CDC123: variants seen among roughly 807,000 people sequenced by gnomAD.
CDC123 encodes the protein cell division cycle 123.
In CDC123, 37 loss-of-function variants were observed where a neutral mutation model predicts 54.4. That is an observed-to-expected ratio of 0.68 (90% CI 0.52 to 0.89). The LOEUF (loss-of-function observed/expected upper bound fraction) is 0.89, where lower values mean the gene tolerates loss of function less well. CDC123 is among the 40% of genes least tolerant of loss of function. The pLI is 0.00. For missense variants in CDC123, 361 were observed against 412.1 expected, an observed-to-expected ratio of 0.88 and a Z score of 1.07; for synonymous variants, 144 against 136.8, an observed-to-expected ratio of 1.05 and a Z score of -0.37.
At chr10:12,239,192 G>T (rs1209628688) in intron 10 of CDC123, among the ~76,000 whole-genome samples, 1 of 151,654 alleles carries the variant, frequency 6.6e-6, no homozygotes, top group Non-Finnish European at 1.5e-5. Context: ...ATCAACTAAG[G>T]TGATTGAAAT....
intron 4 of CDC123, 51 bp from the exon 5 acceptor site, chr10:12,215,689 T>A (rs765445528): frequency 9.3e-7 from 1 of 1,078,046 alleles, no homozygotes; most frequent in Non-Finnish European, 1.4e-6. Context: ...TTGTTTTATA[T>A]ATATACTGTG....
At chr10:12,224,276 TTTTTC>T (rs2131746799) in intron 6 of CDC123, among the ~76,000 whole-genome samples, 1 of 152,058 alleles carries the variant, frequency 6.6e-6, no homozygotes, top group South Asian at 2.1e-4. Context: ...GATAGAATAT[TTTTTC>T]TTTTCCTTTC....
At chr10:12,216,373 A>T (rs1835664484) in intron 5 of CDC123, among the ~76,000 whole-genome samples, 1 of 152,194 alleles carries the variant, frequency 6.6e-6, no homozygotes, top group African/African-American at 2.4e-5. Flanking sequence ...GGAATCAGAG[A>T]CCTATTTGTA....
Position 12,237,509 on chromosome 10 carries a change from G to A in CDC123, c.688+243G>A, listed in dbSNP as rs149844937. ...GAGTGCAGTGGTGCGATCGCGGCTC[G>A]TGCAGCTTCCACCTCCCGGGTTCAG... is the stretch of plus-strand genomic sequence containing the variant. On this transcript the variant is annotated intron_variant, in intron 9 of 12. Transcript: ENST00000281141. The A allele has an allele frequency of 5.0e-4, 102 of 203,402 alleles. No homozygotes were observed. In the East Asian group the frequency reaches 8.4e-3, roughly 17 times the overall value. 12.6% of individuals were successfully genotyped at this position (203,402 alleles called of 1,614,324 possible).
intron 4 of CDC123, among the ~76,000 whole-genome samples, chr10:12,213,768 A>G (rs1835632229): frequency 6.6e-6 from 1 of 152,228 alleles, no homozygotes. Flanking sequence ...AACTGGTTCA[A>G]AAGAGAATCC....
intron 6 of CDC123, among the ~76,000 whole-genome samples, chr10:12,224,447 T>C (rs879855287): frequency 2.0e-5 from 3 of 152,192 alleles, no homozygotes; most frequent in Non-Finnish European, 2.9e-5. Context: ...GCTTTTTTTT[T>C]CTTTGGAATA....
At chr10:12,244,679 T>G (rs1312260208) in intron 10 of CDC123, 1 of 148,646 alleles carries the variant, frequency 6.7e-6, no homozygotes, top group East Asian at 2.0e-4. Flanking sequence ...CCCCTTCATA[T>G]GCTGTCAAGC....
At chr10:12,210,401 C>CCTG in intron 4 of CDC123, 79 bp downstream of exon 4, 1 of 1,500,018 alleles carries the variant, frequency 6.7e-7, no homozygotes, top group Non-Finnish European at 9.1e-7. Flanking sequence ...AAGTGCATAC[C>CCTG]TCTCTTAAAT....
rs573625833 is a variant in CDC123 at position 12,244,359 on chromosome 10, A to G, written c.718-1790A>G. ...TTCAGTGAGAAAAGTGAAAAGGAGC[A>G]AAGATAAACCTTTCGAGGAAACATC... On this transcript the variant is annotated intron_variant, in intron 10 of 12. Transcript: ENST00000281141. 4.6e-5 allele frequency among the ~76,000 whole-genome samples: 7 copies of G among 152,398 alleles called. No individual in the cohort carries two copies. The South Asian group carries it at 1.4e-3, about 32-fold the overall frequency.
intron 5 of CDC123, 24 bp downstream of exon 5, chr10:12,215,859 T>G: frequency 1.6e-5 from 23 of 1,428,436 alleles, no homozygotes; most frequent in African/African-American, 2.9e-5. Context: ...AGTAATTCTC[T>G]TACTGTTTGA....
At chr10:12,232,141 C>T (rs1222393515) in intron 7 of CDC123, among the ~76,000 whole-genome samples, 1 of 152,084 alleles carries the variant, frequency 6.6e-6, no homozygotes, top group African/African-American at 2.4e-5. Flanking sequence ...ACCACTGCGC[C>T]CTGCCTTTTT....
At chr10:12,208,749 C>CT (rs1835554046) in intron 2 of CDC123, among the ~76,000 whole-genome samples, 1 of 152,154 alleles carries the variant, frequency 6.6e-6, no homozygotes, top group African/African-American at 2.4e-5. Context: ...GAAAGGCAGA[C>CT]TTACAGCTTA....
At chr10:12,213,484 G>A (rs191714813) in intron 4 of CDC123, among the ~76,000 whole-genome samples, 1 of 151,972 alleles carries the variant, frequency 6.6e-6, no homozygotes, top group East Asian at 1.9e-4. Flanking sequence ...ACAGATTGAA[G>A]AAGATTAAAG....
chr10:12,211,676 C>T (rs905555233), intron 4 of CDC123, among the ~76,000 whole-genome samples: 1 of 152,190 alleles, frequency 6.6e-6, no homozygotes, highest in African/African-American at 2.4e-5. Flanking sequence ...AAAGGTGACA[C>T]AGGCAGGGGG....
At chr10:12,200,124 T>TTTTTTTTTTTTTTG in intron 2 of CDC123, among the ~76,000 whole-genome samples, 1 of 114,810 alleles carries the variant, frequency 8.7e-6, no homozygotes, top group Non-Finnish European at 1.7e-5. Flanking sequence ...CTCGGCATTT[T>TTTTTTTTTTTTTTG]TTTTTTTTTT....
Position 12,246,215 on chromosome 10 carries a change from G to A in CDC123, c.784G>A (p.Glu262Lys). Reference protein sequence around the residue: ...EVTDSLLFTWEELISENNLNG... With the variant: ...EVTDSLLFTWKELISENNLNG... ...CACAGATTCACTGCTGTTCACCTGG[G>A]AAGAACTGATATCTGAGAACAACTT... The change falls in exon 11 of 13, where the codon GAA (glutamate) becomes AAA (lysine). Residue 262 changes from glutamate to lysine, a missense_variant. Glu to Lys is a moderately conservative substitution (Grantham distance 56). Transcript: ENST00000281141. 6.2e-7 allele frequency: 1 copy of A among 1,614,162 alleles called. No homozygotes were observed.
intron 1 of CDC123, among the ~76,000 whole-genome samples, chr10:12,197,944 C>A (rs139392417): frequency 3.3e-5 from 5 of 152,074 alleles, no homozygotes; most frequent in Non-Finnish European, 7.4e-5. Context: ...CTGTTAACTT[C>A]GGGAAAGCAG....
Position 12,248,812 on chromosome 10 carries a change from A to T in CDC123, c.847-769A>T, listed in dbSNP as rs968365740. On this transcript the variant is annotated intron_variant, in intron 11 of 12. Transcript: ENST00000281141. ...AAGAGTAAAACTTCGTCTAAAAAAA[A>T]AAAATTAGTTTTGGCAGCTGGGCAT... Among the ~76,000 whole-genome samples, 24 of 151,208 alleles carry T rather than the reference A, an allele frequency of 1.6e-4. No homozygotes were observed. In the East Asian group the frequency reaches 4.7e-3, roughly 30 times the overall value.
intron 11 of CDC123, among the ~76,000 whole-genome samples, chr10:12,249,055 G>C (rs1836199419): frequency 6.6e-6 from 1 of 151,356 alleles, no homozygotes; most frequent in Non-Finnish European, 1.5e-5. Flanking sequence ...AGGTTGCAGT[G>C]AGCAACAGAG....
Sources: gnomAD v4.1 joint callset for allele counts (sites outside exome capture counted in the v4.1 genomes callset) on GRCh38, gnomAD v4.1.1 for gene constraint, MANE v1.5 for transcripts, NCBI Gene and HGNC (gene_info 2026-07-23, HGNC 2026-07-21) for gene names.